Variants in MFN2 observed in about 807,000 individuals in gnomAD.
MFN2 encodes the protein mitofusin 2.
MFN2 carries 43 observed loss-of-function variants against 87.5 expected under a neutral mutation model. The ratio of observed to expected loss-of-function variants is 0.49; its 90% confidence interval spans 0.38 to 0.63. MFN2 has a LOEUF of 0.63. Among genes scored for constraint, MFN2 ranks in the 30% least tolerant of loss-of-function variants. The probability of loss-of-function intolerance (pLI) is 0.00; values close to 1 mark genes in which losing one functional copy is unlikely to be tolerated. For synonymous variants in MFN2, 337 were observed against 359.9 expected, an observed-to-expected ratio of 0.94 and a Z score of 0.72; for missense variants, 743 against 972.8, an observed-to-expected ratio of 0.76 and a Z score of 3.14.
chr1:12,005,826 C>T lies in MFN2; in HGVS notation c.1611C>T (p.Phe537=). 2 of 1,614,206 alleles carry T rather than the reference C, an allele frequency of 1.2e-6. No homozygotes were observed. The highest frequency in any genetic ancestry group is 1.7e-6 in the Non-Finnish European group (2 of 1,180,030). The change falls in exon 15 of 19, where the codon TTC becomes TTT. Residue 537 remains phenylalanine (F), a synonymous_variant. Transcript: ENST00000235329. The part of the protein sequence containing the change: ...DLNCDKLCAD[F]QEDIEFHFSL... The stretch of plus-strand genomic sequence containing the variant: ...ACTGTGACAAGCTGTGTGCTGACTT[C>T]CAGGAAGACATTGAGTTCCATTTCT...
intron 5 of MFN2, among the ~76,000 whole-genome samples, 173 bp downstream of exon 5, chr1:11,996,491 G>A (rs942955860): frequency 2.0e-5 from 3 of 152,176 alleles, no homozygotes; most frequent in South Asian, 2.1e-4. Context: ...GGGGGCTGGC[G>A]GAGGTGGTTT....
At chr1:12,008,769 G>T (rs367692607) in intron 17 of MFN2, among the ~76,000 whole-genome samples, 1 of 151,054 alleles carries the variant, frequency 6.6e-6, no homozygotes, top group Non-Finnish European at 1.5e-5. Context: ...GACGATGGGC[G>T]GCCAGGCAGA....
At position 12,004,683 on chromosome 1, in the gene MFN2, G is replaced by A. The variant is rs1639325456; in HGVS notation, c.1392+70G>A. 6.5e-7 allele frequency: 1 copy of A among 1,541,060 alleles called. No homozygotes were observed. The highest frequency in any genetic ancestry group is 1.1e-5 in the South Asian group (1 of 89,140). On this transcript the variant is annotated intron_variant, in intron 13 of 18. Coordinates refer to ENST00000235329, the MANE Select transcript of MFN2 (RefSeq NM_014874.4). The surrounding 1 kb of genome is among the most constrained non-coding windows in gnomAD (Gnocchi z 4.2). Reference sequence around the variant, plus strand: ...AGTGATTCAACCCCTGTTGGTCTGGGTCAGGGCCCCCCAGCAGTGACAGTA... The same window carrying A: ...AGTGATTCAACCCCTGTTGGTCTGGATCAGGGCCCCCCAGCAGTGACAGTA...
At chr1:11,984,001 G>A (rs1389660555) in intron 2 of MFN2, among the ~76,000 whole-genome samples, 1 of 152,204 alleles carries the variant, frequency 6.6e-6, no homozygotes, top group Non-Finnish European at 1.5e-5. Context: ...TTTGGATGCA[G>A]CTGCAGGCTG....
chr1:12,000,293 A>G lies in MFN2; in HGVS notation c.817-1108A>G, dbSNP rs1450923598. ...CTGCAACCTCCACCTCCAGGGTTCAAGCAATTCTGCCTCAGCCTCCCGAGT... is the reference window on the plus strand; with the variant it reads ...CTGCAACCTCCACCTCCAGGGTTCAGGCAATTCTGCCTCAGCCTCCCGAGT... On this transcript the variant is annotated intron_variant, in intron 8 of 18. Coordinates refer to ENST00000235329, the MANE Select transcript of MFN2 (RefSeq NM_014874.4). Among the ~76,000 whole-genome samples the G allele has an allele frequency of 3.3e-5, 5 of 151,938 alleles. No homozygotes were observed. The East Asian group carries it at 9.9e-4, about 30-fold the overall frequency.
intron 15 of MFN2, among the ~76,000 whole-genome samples, chr1:12,006,206 C>G (rs546732946): frequency 6.6e-6 from 1 of 151,770 alleles, no homozygotes; most frequent in African/African-American, 2.4e-5. Flanking sequence ...TTAAAAATAA[C>G]CACCTACATA....
At chr1:12,009,473 G>C (rs1639592864) in intron 17 of MFN2, 119 bp from the exon 18 acceptor site, 1 of 1,432,942 alleles carries the variant, frequency 7.0e-7, no homozygotes, top group Non-Finnish European at 9.8e-7. Flanking sequence ...CCTGGCTCAG[G>C]GCAGAGCTGC....
At chr1:11,997,522 G>A in intron 6 of MFN2, 101 bp downstream of exon 6, 1 of 1,516,672 alleles carries the variant, frequency 6.6e-7, no homozygotes, top group Admixed American at 1.7e-5. Context: ...TCCTTGCTCT[G>A]CTTAAGTATT....
At chr1:11,983,110 G>T (rs1273206853) in intron 2 of MFN2, among the ~76,000 whole-genome samples, 1 of 152,064 alleles carries the variant, frequency 6.6e-6, no homozygotes, top group Non-Finnish European at 1.5e-5. Flanking sequence ...AGGCTGGAGT[G>T]CAGTGGCGCG....
chr1:12,005,283 A>G (rs934467335), intron 14 of MFN2, among the ~76,000 whole-genome samples: 5 of 152,182 alleles, frequency 3.3e-5, no homozygotes, highest in Non-Finnish European at 5.9e-5. Context: ...GGGTTTTGCC[A>G]CGTTGGCCAG....
intron 5 of MFN2, among the ~76,000 whole-genome samples, chr1:11,997,038 C>CAAA (rs35141271): frequency 2.0e-5 from 2 of 99,806 alleles, no homozygotes; most frequent in African/African-American, 7.4e-5. Context: ...GACTCCGTCT[C>CAAA]AAAAAAAAAA....
chr1:12,011,467 A>G (rs146642584), intron 18 of MFN2, 29 bp from the exon 19 acceptor site: 30 of 1,613,608 alleles, frequency 1.9e-5, no homozygotes, highest in Non-Finnish European at 2.3e-5. Context: ...ATCAGCTATC[A>G]TGGTTACAAA....
At chr1:12,001,672 G>C (rs1419344843) in intron 9 of MFN2, 97 bp from the exon 10 acceptor site, 19 of 1,586,434 alleles carry the variant, frequency 1.2e-5, no homozygotes, top group Non-Finnish European at 1.6e-5. Context: ...GAGCAGAGAG[G>C]CTCTTGCTCT....
Position 11,998,779 on chromosome 1 carries a change from T to C in MFN2, c.609T>C (p.Ile203=). Residue 203 remains isoleucine, a synonymous_variant, in exon 7 of 19, where the codon ATT becomes ATC. Transcript: ENST00000235329. ...DDLVLMDSPG[I]DVTTELDSWI... ...CCCCTGTCACCTTTAGCCCTGGTAT[T>C]GATGTCACCACAGAGCTGGACAGCT... 1 of 1,614,142 alleles carries C rather than the reference T, an allele frequency of 6.2e-7. No homozygotes were observed. Among genetic ancestry groups the C allele is most frequent in the South Asian group, 1.1e-5 (1 of 91,078 alleles).
chr1:11,994,945 T>C (rs892038129), intron 4 of MFN2, among the ~76,000 whole-genome samples: 5 of 152,056 alleles, frequency 3.3e-5, no homozygotes, highest in African/African-American at 1.2e-4. Flanking sequence ...GCAGAGCTAT[T>C]CTCAAGAAGC....
At chr1:11,998,503 G>A (rs1454472559) in intron 6 of MFN2, among the ~76,000 whole-genome samples, 2 of 152,058 alleles carry the variant, frequency 1.3e-5, no homozygotes, top group Non-Finnish European at 2.9e-5. Flanking sequence ...AGCCGAGATC[G>A]TGCCATTGCA....
rs7550536 is a variant in MFN2 at position 12,006,987 on chromosome 1, T to G, written c.1873-66T>G. ...GGGGCCCTTCAGATGGCCCTGGTAG[T>G]GATGGGCCCCAGAGGAGGGTGGGCC... On this transcript the variant is annotated intron_variant, in intron 16 of 18. Transcript: ENST00000235329. 937,009 of 1,593,006 alleles carry G rather than the reference T, an allele frequency of 0.59. 278,818 individuals carry two copies. Among genetic ancestry groups the G allele is most frequent in the South Asian group, 0.62 (56,001 of 90,434 alleles).
chr1:12,011,374 C>A (rs1639685598), intron 18 of MFN2, 122 bp from the exon 19 acceptor site: 1 of 1,035,052 alleles, frequency 9.7e-7, no homozygotes, highest in East Asian at 2.5e-5. Flanking sequence ...CAGGGATAAA[C>A]ACGATTGTTG....
rs765879923 is a variant in MFN2, at chr1:12,003,814, G to C, written c.1161-178G>C. Among the ~76,000 whole-genome samples the C allele has an allele frequency of 6.6e-6, 1 of 152,234 alleles. No individual in the cohort carries two copies. Among genetic ancestry groups the C allele is most frequent in the Non-Finnish European group, 1.5e-5 (1 of 68,040 alleles). On this transcript the variant is annotated intron_variant, in intron 11 of 18. Coordinates refer to ENST00000235329, the MANE Select transcript of MFN2 (RefSeq NM_014874.4). This position sits in a 1 kb window ranked among gnomAD's most constrained non-coding sequence, Gnocchi z 4.1. ...CCACATCGAAGACTGAAGAGTGCAT[G>C]GTTGGCTGCAGGGTCCTCTTCTTAC... is the stretch of plus-strand genomic sequence containing the variant.
Sources: gnomAD v4.1 joint callset for allele counts (sites outside exome capture counted in the v4.1 genomes callset) on GRCh38, gnomAD v4.1.1 for gene constraint, Gnocchi (gnomAD v3.1) non-coding constraint, MANE v1.5 for transcripts, NCBI Gene and HGNC (gene_info 2026-07-23, HGNC 2026-07-21) for gene names.